Variants in DYNC1LI1 observed in about 807,000 individuals in gnomAD.
DYNC1LI1 encodes cytoplasmic dynein 1 light intermediate chain 1.
In DYNC1LI1, 19 loss-of-function variants were observed where a neutral mutation model predicts 63.8. The ratio of observed to expected loss-of-function variants is 0.30; its 90% confidence interval spans 0.21 to 0.44. The LOEUF is 0.44. DYNC1LI1 is among the 20% of genes least tolerant of loss of function. DYNC1LI1 has a pLI of 1.00. For missense variants in DYNC1LI1, 565 were observed against 630.2 expected (o/e 0.90, Z 1.11); for synonymous variants, 225 against 232.3 (o/e 0.97, Z 0.28).
chr3:32,564,265 G>T (rs1020318667), intron 2 of DYNC1LI1, among the ~76,000 whole-genome samples: 1 of 152,208 alleles, frequency 6.6e-6, no homozygotes, highest in Admixed American at 6.5e-5. Context: ...AATAAGTTAT[G>T]ATCGTGCCAG....
chr3:32,551,134 A>C (rs9820850), intron 2 of DYNC1LI1, among the ~76,000 whole-genome samples: 4,756 of 152,282 alleles, frequency 0.031, 254 homozygotes, highest in African/African-American at 0.11. Context: ...AACAAATACG[A>C]AACAGTTTCA....
At chr3:32,535,192 A>AC (rs1697758183) in intron 6 of DYNC1LI1, among the ~76,000 whole-genome samples, 1 of 152,218 alleles carries the variant, frequency 6.6e-6, no homozygotes, top group African/African-American at 2.4e-5. Flanking sequence ...TTCAGGAATA[A>AC]CCCAAGGCAA....
chr3:32,533,575 T>C (rs1018699116), intron 7 of DYNC1LI1, among the ~76,000 whole-genome samples: 2 of 151,252 alleles, frequency 1.3e-5, no homozygotes, highest in Non-Finnish European at 2.9e-5. Flanking sequence ...CCTTTTTTTT[T>C]TTTTTTTTGA....
chr3:32,541,219 GT>G lies in DYNC1LI1; in HGVS notation c.569-14del. 1 of 1,544,984 alleles carries G rather than the reference GT, an allele frequency of 6.5e-7. No homozygotes were observed. Among genetic ancestry groups the G allele is most frequent in the Non-Finnish European group, 8.8e-7 (1 of 1,141,886 alleles). ...AAGTCTCTAATCACTGAAAATCAAA[GT>G]AAACACAATTTAGAAATTGCTTCAT... On this transcript the variant is annotated splice_polypyrimidine_tract_variant and intron_variant, in intron 4 of 12. Transcript: ENST00000273130.
chr3:32,527,785 A>G (rs1017062339), intron 12 of DYNC1LI1, among the ~76,000 whole-genome samples: 1 of 152,178 alleles, frequency 6.6e-6, no homozygotes, highest in African/African-American at 2.4e-5. Context: ...CAGATAAATG[A>G]AATGTGGTAT....
At chr3:32,539,530 CTATTAT>C (rs564751442) in intron 5 of DYNC1LI1, among the ~76,000 whole-genome samples, 32 of 150,984 alleles carry the variant, frequency 2.1e-4, no homozygotes, top group South Asian at 4.2e-4. Context: ...TGAAATTGAT[CTATTAT>C]TATTATTATT....
rs1559447074 is a variant in DYNC1LI1, at chr3:32,570,098, C to T, written c.220+248G>A. The T allele has an allele frequency of 4.7e-6, 3 of 633,230 alleles. No homozygotes were observed. The South Asian group carries it at 5.1e-5, about 11-fold the overall frequency. The allele number at this position is 633,230 out of a possible 1,614,324, so 39.2% of individuals were successfully genotyped here. Reference sequence around the variant, plus strand: ...CGAATTCTGTCCTTCCCAGGGGAAGCTGTCAGGGCCACCCCCATATACCGG... The same window carrying T: ...CGAATTCTGTCCTTCCCAGGGGAAGTTGTCAGGGCCACCCCCATATACCGG... On this transcript the variant is annotated intron_variant, in intron 2 of 12. Transcript: ENST00000273130.
chr3:32,536,203 A>G (rs927156492), intron 6 of DYNC1LI1, among the ~76,000 whole-genome samples: 8 of 152,220 alleles, frequency 5.3e-5, no homozygotes, highest in African/African-American at 1.9e-4. Flanking sequence ...AATGATTTAT[A>G]ATTTGTAGAC....
Position 32,570,840 on chromosome 3 carries a change from G to GCGGCGGGAACC in DYNC1LI1, c.-81_-71dup. 1 of 1,531,138 alleles carries GCGGCGGGAACC rather than the reference G, an allele frequency of 6.5e-7. No individual in the cohort carries two copies. 94.8% of individuals were successfully genotyped at this position (1,531,138 alleles called of 1,614,324 possible). ...GGCGGCTGAGGCGGTGGCGGTGGAG[G>GCGGCGGGAACC]CGGCGGGAACCCGGATATGGGGCGT... On this transcript the variant is annotated 5_prime_UTR_variant, in exon 1 of 13. Transcript: ENST00000273130.
intron 2 of DYNC1LI1, among the ~76,000 whole-genome samples, chr3:32,553,459 A>G (rs1698071201): frequency 2.0e-5 from 3 of 152,218 alleles, no homozygotes; most frequent in Non-Finnish European, 4.4e-5. Context: ...CCCCTTACCT[A>G]CTTTGAGAGT....
At position 32,529,588 on chromosome 3, in the gene DYNC1LI1, C is replaced by T. The variant is rs779085844; in HGVS notation, c.1258G>A (p.Val420Met). Residue 420 changes from valine to methionine, a missense_variant, in exon 11 of 13, where the codon GTG (valine) becomes ATG (methionine). Transcript: ENST00000273130. ...NRSVSSNVAS[V>M]SPIPAGSKKI... Reference sequence around the variant, plus strand: ...TTTGACCCAGCAGGAATGGGTGACACGCTGGCAACATTAGATGATACAGAT... The same window carrying T: ...TTTGACCCAGCAGGAATGGGTGACATGCTGGCAACATTAGATGATACAGAT... 6 of 1,609,376 alleles carry T rather than the reference C, an allele frequency of 3.7e-6. No individual in the cohort carries two copies. Among genetic ancestry groups the T allele is most frequent in the East Asian group, 4.5e-5 (2 of 44,822 alleles).
At chr3:32,547,131 T>G (rs956465191) in intron 2 of DYNC1LI1, among the ~76,000 whole-genome samples, 1 of 152,072 alleles carries the variant, frequency 6.6e-6, no homozygotes, top group Non-Finnish European at 1.5e-5. Flanking sequence ...TAATCCCAGC[T>G]ACTCGGGAGA....
chr3:32,536,870 C>A, intron 6 of DYNC1LI1, 141 bp downstream of exon 6: 1 of 552,210 alleles, frequency 1.8e-6, no homozygotes, highest in South Asian at 2.5e-5. Flanking sequence ...AATTTGGGAA[C>A]TAAAATGAAA....
intron 2 of DYNC1LI1, among the ~76,000 whole-genome samples, chr3:32,567,002 ATTAC>A (rs1235805900): frequency 1.3e-5 from 2 of 152,232 alleles, no homozygotes; most frequent in Non-Finnish European, 1.5e-5. Context: ...AGATTAAATG[ATTAC>A]TTAAACACAA....
chr3:32,564,422 T>C lies in DYNC1LI1; in HGVS notation c.220+5924A>G, dbSNP rs572394457. Among the ~76,000 whole-genome samples, 22 of 152,378 alleles carry C rather than the reference T, an allele frequency of 1.4e-4. No individual in the cohort carries two copies. The East Asian group carries it at 3.9e-3, about 27-fold the overall frequency. On this transcript the variant is annotated intron_variant, in intron 2 of 12. Coordinates refer to ENST00000273130, the MANE Select transcript of DYNC1LI1 (RefSeq NM_016141.4). ...CCTGTTTTTATAAATAAAGTTTTAT[T>C]GAAACAAGCCTGTACCCATTCATTT...
intron 2 of DYNC1LI1, among the ~76,000 whole-genome samples, chr3:32,561,030 A>AAC (rs1698185689): frequency 7.5e-6 from 1 of 132,826 alleles, no homozygotes; most frequent in African/African-American, 3.1e-5. Context: ...AAAAAAAAAA[A>AAC]AAACAAACAA....
intron 5 of DYNC1LI1, among the ~76,000 whole-genome samples, chr3:32,538,038 T>C (rs1196833801): frequency 1.1e-4 from 1 of 8,840 alleles, no homozygotes; most frequent in Non-Finnish European, 1.5e-4. Context: ...ATATATAATA[T>C]ATATATATAA....
Position 32,530,285 on chromosome 3 carries a change from A to G in DYNC1LI1, c.1184T>C (p.Val395Ala). 1 of 1,608,410 alleles carries G rather than the reference A, an allele frequency of 6.2e-7. No homozygotes were observed. Residue 395 changes from valine (V) to alanine (A), a missense_variant and splice_region_variant, in exon 10 of 13, where the codon GTG (valine) becomes GCG (alanine). Transcript: ENST00000273130. ...KQPPTAAGRP[V>A]DASPRVPGGS... ...TTTGTCAAAATTTGTAATACTGACCACAGGCCTTCCAGCTGCAGTTGGTGG... is the reference window on the plus strand; with the variant it reads ...TTTGTCAAAATTTGTAATACTGACCGCAGGCCTTCCAGCTGCAGTTGGTGG...
At chr3:32,539,884 A>G (rs1268932076) in intron 5 of DYNC1LI1, among the ~76,000 whole-genome samples, 1 of 143,894 alleles carries the variant, frequency 6.9e-6, no homozygotes, top group African/African-American at 2.6e-5. Flanking sequence ...TTTAATTTTG[A>G]GACAGAGTCT....
Sources: allele counts gnomAD v4.1 joint callset (sites outside exome capture counted in the v4.1 genomes callset), GRCh38; gene constraint gnomAD v4.1.1; transcripts MANE v1.5; gene names NCBI Gene and HGNC (gene_info 2026-07-23, HGNC 2026-07-21).